SDK1: variants seen among roughly 807,000 people sequenced by gnomAD.
SDK1 encodes the protein sidekick cell adhesion molecule 1.
Under a neutral mutation model 245.5 loss-of-function variants are expected in SDK1, and 157 were observed. The ratio of observed to expected loss-of-function variants is 0.64; its 90% CI spans 0.56 to 0.73. The LOEUF (loss-of-function observed/expected upper bound fraction) is 0.73, where lower values mean the gene tolerates loss of function less well. Among genes scored for constraint, SDK1 ranks in the 30% least tolerant of loss-of-function variants. The pLI is 0.00. For missense variants in SDK1, 3,583 were observed against 3,002.3 expected (o/e 1.19, Z -4.52); for synonymous variants, 1,647 against 1,278.5 (o/e 1.29, Z -6.15).
chr7:3,343,583 T>C (rs1361985181), intron 1 of SDK1, among the ~76,000 whole-genome samples: 1 of 152,172 alleles, frequency 6.6e-6, no homozygotes, highest in Non-Finnish European at 1.5e-5. Context: ...CTTGGCTGTA[T>C]CGATGTCAAT....
intron 4 of SDK1, among the ~76,000 whole-genome samples, chr7:3,774,049 C>T (rs192503388): frequency 5.3e-4 from 81 of 151,918 alleles, no homozygotes; most frequent in African/African-American, 1.8e-3. Context: ...CCTGTCTCTA[C>T]TAAAAATACA....
chr7:3,399,265 G>C (rs995447487), intron 1 of SDK1, among the ~76,000 whole-genome samples: 1 of 151,624 alleles, frequency 6.6e-6, no homozygotes, highest in African/African-American at 2.4e-5. Flanking sequence ...TTTCCTTTCA[G>C]TTATCATACC....
intron 5 of SDK1, among the ~76,000 whole-genome samples, chr7:3,913,697 C>A (rs576433586): frequency 3.9e-5 from 6 of 152,124 alleles, no homozygotes; most frequent in Non-Finnish European, 8.8e-5. Flanking sequence ...CCTAAACCCC[C>A]TTGAGTATGT....
chr7:3,813,796 T>C, intron 4 of SDK1, among the ~76,000 whole-genome samples: 1 of 110,134 alleles, frequency 9.1e-6, no homozygotes, highest in African/African-American at 4.1e-5. Flanking sequence ...TTTTTAATGA[T>C]TGCCATTCTA....
At chr7:4,075,517 T>C (rs1780612670) in intron 20 of SDK1, among the ~76,000 whole-genome samples, 1 of 152,046 alleles carries the variant, frequency 6.6e-6, no homozygotes, top group Admixed American at 6.6e-5. Flanking sequence ...TTTTCAGCTG[T>C]TTTCTTTTGC....
intron 26 of SDK1, 77 bp downstream of exon 26, chr7:4,127,573 G>T: frequency 9.7e-7 from 1 of 1,032,082 alleles, no homozygotes; most frequent in East Asian, 2.4e-5. Flanking sequence ...TTCCCCCAAA[G>T]CAACGAGCTT....
chr7:3,504,182 ATGTGTG>A (rs56306302), intron 1 of SDK1, among the ~76,000 whole-genome samples: 87 of 131,942 alleles, frequency 6.6e-4, no homozygotes, highest in South Asian at 1.7e-3. Flanking sequence ...ATATATATAT[ATGTGTG>A]TGTGTGTGTG....
chr7:4,075,031 A>G (rs949746226), intron 20 of SDK1, among the ~76,000 whole-genome samples: 6 of 150,752 alleles, frequency 4.0e-5, no homozygotes, highest in Admixed American at 4.0e-4. Context: ...GGAGACCAGG[A>G]CCTGAGAAGC....
intron 38 of SDK1, among the ~76,000 whole-genome samples, chr7:4,218,881 TTATC>T (rs1481649396): frequency 1.3e-5 from 2 of 151,938 alleles, no homozygotes; most frequent in Non-Finnish European, 2.9e-5. Flanking sequence ...AGTTGAGAAC[TTATC>T]TAACTGTTTT....
intron 14 of SDK1, among the ~76,000 whole-genome samples, chr7:4,005,586 T>C (rs905879711): frequency 6.6e-6 from 1 of 152,106 alleles, no homozygotes; most frequent in South Asian, 2.1e-4. Context: ...TAAACTTCCC[T>C]GAGTCTTGGT....
At chr7:3,837,228 C>T (rs1485481069) in intron 5 of SDK1, among the ~76,000 whole-genome samples, 1 of 152,186 alleles carries the variant, frequency 6.6e-6, no homozygotes, top group Non-Finnish European at 1.5e-5. Context: ...TTCTCTAGAT[C>T]AGAAGACCCG....
chr7:3,558,624 A>AT (rs761121642), intron 1 of SDK1, among the ~76,000 whole-genome samples: 5 of 152,206 alleles, frequency 3.3e-5, no homozygotes, highest in Non-Finnish European at 7.3e-5. Context: ...GCAGAGGGGC[A>AT]ATGCAGACAC....
chr7:3,916,911 G>A (rs957669829), intron 5 of SDK1, among the ~76,000 whole-genome samples: 1 of 152,174 alleles, frequency 6.6e-6, no homozygotes, highest in African/African-American at 2.4e-5. Flanking sequence ...AGCAATTCCT[G>A]ATACAGGCAC....
chr7:3,514,806 A>G (rs140618009), intron 1 of SDK1, among the ~76,000 whole-genome samples: 132 of 152,352 alleles, frequency 8.7e-4, no homozygotes, highest in African/African-American at 3.0e-3. Flanking sequence ...TTGTATTACT[A>G]AAGAGAAATG....
chr7:4,266,841 CAA>C lies in SDK1; in HGVS notation c.*1458_*1459del. On this transcript the variant is annotated 3_prime_UTR_variant, in exon 45 of 45. Coordinates refer to ENST00000404826, the MANE Select transcript of SDK1 (RefSeq NM_152744.4). Reference sequence around the variant, plus strand: ...CTCACCAGCAGCAGCGTGACACACACAAGACTCAAGACCACCCTGTCAGTGCC... The same window carrying C: ...CTCACCAGCAGCAGCGTGACACACACGACTCAAGACCACCCTGTCAGTGCC... The C allele has an allele frequency of 1.0e-6, 1 of 985,570 alleles. No individual in the cohort carries two copies. The allele number at this position is 985,570 out of a possible 1,614,324, so 61.1% of individuals were successfully genotyped here.
chr7:4,008,567 C>T (rs763781183), intron 14 of SDK1, among the ~76,000 whole-genome samples: 23 of 151,746 alleles, frequency 1.5e-4, no homozygotes, highest in South Asian at 2.1e-4. Flanking sequence ...AAGGTGGGCA[C>T]GTAAAAGAAA....
intron 19 of SDK1, among the ~76,000 whole-genome samples, chr7:4,065,226 A>G (rs2068248480): frequency 6.6e-6 from 1 of 152,210 alleles, no homozygotes; most frequent in South Asian, 2.1e-4. Flanking sequence ...AGAAAGCTTC[A>G]GACTCTCGGG....
chr7:4,079,683 G>A, intron 22 of SDK1, 99 bp downstream of exon 22: 2 of 1,513,732 alleles, frequency 1.3e-6, no homozygotes, highest in Non-Finnish European at 9.0e-7. Context: ...GGGGTGTCGG[G>A]GAGATGGGTG....
intron 4 of SDK1, among the ~76,000 whole-genome samples, chr7:3,688,022 A>T (rs370552434): frequency 1.3e-5 from 2 of 152,178 alleles, no homozygotes; most frequent in South Asian, 4.1e-4. Flanking sequence ...AGATTAGAGG[A>T]TTTCCAAGAG....
Sources: gnomAD v4.1 joint callset for allele counts (sites outside exome capture counted in the v4.1 genomes callset) on GRCh38, gnomAD v4.1.1 for gene constraint, MANE v1.5 for transcripts, NCBI Gene and HGNC (gene_info 2026-07-23, HGNC 2026-07-21) for gene names.